Variants in SH3BP2 observed in about 807,000 individuals in gnomAD.
SH3BP2 encodes SH3 domain binding protein 2, also known as SH3 domain-binding protein 2.
A neutral mutation model predicts 56.2 loss-of-function variants in SH3BP2; 38 were observed. That is an observed-to-expected ratio of 0.68 (90% CI 0.52 to 0.89). The LOEUF (loss-of-function observed/expected upper bound fraction) is 0.89. SH3BP2 is among the 40% of genes least tolerant of loss of function. The pLI is 0.00. For synonymous variants in SH3BP2, 346 were observed against 316.7 expected, an observed-to-expected ratio of 1.09 and a Z score of -0.98; for missense variants, 748 against 762.6, an observed-to-expected ratio of 0.98 and a Z score of 0.23.
At chr4:2,805,605 C>T (rs1723501632) in intron 1 of SH3BP2, among the ~76,000 whole-genome samples, 2 of 152,226 alleles carry the variant, frequency 1.3e-5, no homozygotes, top group Non-Finnish European at 2.9e-5. Flanking sequence ...GCAGAGATCT[C>T]TCCCCACAGA....
At chr4:2,812,733 C>A (rs1465764803) in intron 1 of SH3BP2, among the ~76,000 whole-genome samples, 1 of 151,984 alleles carries the variant, frequency 6.6e-6, no homozygotes, top group Non-Finnish European at 1.5e-5. Context: ...CCCCCCCCAC[C>A]CCCCCATCAC....
In SH3BP2 at chr4:2,833,036, G is replaced by T; in HGVS notation, c.1535G>T (p.Arg512Leu). 4.3e-6 allele frequency: 7 copies of T among 1,614,162 alleles called. No individual in the cohort carries two copies. Among genetic ancestry groups the T allele is most frequent in the Non-Finnish European group, 5.9e-6 (7 of 1,180,010 alleles). Residue 512 changes from arginine (R) to leucine (L), a missense_variant, in exon 12 of 13, where the codon CGC (arginine) becomes CTC (leucine). Arg to Leu is a moderately radical substitution (Grantham distance 102, BLOSUM62 -2). Around this residue, in one of 3 missense-constraint regions of SH3BP2, gnomAD observed 635 missense variants for 615.0 expected, o/e 1.03. Transcript: ENST00000503393. ...ACCTCTAACAAAGTGAGGAACTATC[G>T]CATTTTTGAGAAGGTGAGAGGGCTC... ...DETSNKVRNY[R>L]IFEKDSKFYL...
chr4:2,826,540 CTGTGTG>C (rs148421972), intron 5 of SH3BP2: 23 of 213,038 alleles, frequency 1.1e-4, no homozygotes, highest in African/African-American at 5.5e-4. Context: ...GCGTGTTGCT[CTGTGTG>C]TGTGTGTGTG....
intron 1 of SH3BP2, among the ~76,000 whole-genome samples, chr4:2,795,402 ACT>A (rs1314761777): frequency 6.6e-6 from 1 of 151,808 alleles, no homozygotes. Flanking sequence ...TGCCCTCCTC[ACT>A]CTCTGTCCTC....
chr4:2,830,041 C>G lies in SH3BP2; in HGVS notation c.1135C>G (p.Pro379Ala). The change falls in exon 8 of 13, where the codon CCC becomes GCC. Residue 379 changes from proline (P) to alanine (A), a missense_variant. Pro to Ala is a conservative substitution (Grantham distance 27). This residue lies in a region of SH3BP2 where 635 missense variants were observed against 615.0 expected (regional missense o/e 1.03). Transcript: ENST00000503393. ...REAAMPGLFV[P>A]PVAPRPPALK... ...GGCAGCCATGCCCGGACTCTTTGTGCCCCCCGTGGCTCCCCGGCCTCCTGC... is the reference window on the plus strand; with the variant it reads ...GGCAGCCATGCCCGGACTCTTTGTGGCCCCCGTGGCTCCCCGGCCTCCTGC... 1 of 1,612,266 alleles carries G rather than the reference C, an allele frequency of 6.2e-7. No individual in the cohort carries two copies. Among genetic ancestry groups the G allele is most frequent in the South Asian group, 1.1e-5 (1 of 91,074 alleles).
rs1725329786 is a variant in SH3BP2, at chr4:2,839,066, G to A, written c.*5232G>A. ...TTTGCATTTAGCTAATTACCAAGGA[G>A]ATTGAGCATATTTTTATGTTTTTAT... On this transcript the variant is annotated 3_prime_UTR_variant, in exon 13 of 13. Transcript: ENST00000503393. 1 of 152,142 alleles carries A rather than the reference G, an allele frequency of 6.6e-6. No individual in the cohort carries two copies. Among genetic ancestry groups the A allele is most frequent in the Admixed American group, 6.5e-5 (1 of 15,270 alleles). The allele number at this position is 152,142 out of a possible 1,614,324, so 9.4% of individuals were successfully genotyped here.
At position 2,831,476 on chromosome 4, in the gene SH3BP2, C is replaced by A; in HGVS notation, c.1242-95C>A. 1.1e-6 allele frequency: 1 copy of A among 923,850 alleles called. No individual in the cohort carries two copies. Among genetic ancestry groups the A allele is most frequent in the Non-Finnish European group, 1.7e-6 (1 of 574,976 alleles). The allele number at this position is 923,850 out of a possible 1,614,324, so 57.2% of individuals were successfully genotyped here. On this transcript the variant is annotated intron_variant, in intron 8 of 12. Transcript: ENST00000503393. The surrounding 1 kb of genome is among the most constrained non-coding windows in gnomAD (Gnocchi z 4.1). The stretch of plus-strand genomic sequence containing the variant: ...GGGGCCATAGCAGGCAGCTTGCCGT[C>A]CTCACACAGAGGGTGGAGTGGGGAG...
rs546812362 is a variant in SH3BP2 at position 2,832,409 on chromosome 4, G to A, written c.1485G>A (p.Gly495=). Residue 495 remains glycine, a synonymous_variant, in exon 11 of 13, where the codon GGG becomes GGA. Coordinates refer to ENST00000503393, the MANE Select transcript of SH3BP2 (RefSeq NM_001122681.2). ...YCIRNSSTKS[G]KVLVVWDETS... ...TCCGGAACTCCTCTACCAAGTCGGGGAAGGTAGGCGCCAGGGGAAGATGCC... is the reference window on the plus strand; with the variant it reads ...TCCGGAACTCCTCTACCAAGTCGGGAAAGGTAGGCGCCAGGGGAAGATGCC... 2.2e-5 allele frequency: 35 copies of A among 1,613,818 alleles called. No individual in the cohort carries two copies. In the South Asian group the frequency reaches 3.6e-4, roughly 17 times the overall value.
chr4:2,793,738 G>A (rs1022409677), intron 1 of SH3BP2: 4 of 152,214 alleles, frequency 2.6e-5, no homozygotes, highest in Non-Finnish European at 4.4e-5. Context: ...CCGCCCACTG[G>A]CGCTGATTCA....
chr4:2,829,644 T>A lies in SH3BP2; in HGVS notation c.738T>A (p.Asp246Glu). 6.2e-7 allele frequency: 1 copy of A among 1,612,092 alleles called. No individual in the cohort carries two copies. Among genetic ancestry groups the A allele is most frequent in the Non-Finnish European group, 8.5e-7 (1 of 1,179,488 alleles). ...PPPPPKHGLP[D>E]VGLAAEDSKR... ...CGCCCCCTAAGCACGGCCTCCCAGA[T>A]GTTGGCCTGGCTGCTGAGGACTCCA... Residue 246 changes from aspartate (D) to glutamate (E), a missense_variant, in exon 8 of 13, where the codon GAT (aspartate) becomes GAA (glutamate). By Grantham distance (45) the Asp-to-Glu change is conservative. Coordinates refer to ENST00000503393, the MANE Select transcript of SH3BP2 (RefSeq NM_001122681.2). This position sits in a 1 kb window ranked among gnomAD's most constrained non-coding sequence, Gnocchi z 4.9.
rs1725379194 is a variant in SH3BP2, at chr4:2,840,339, C to T, written c.*6505C>T. 6.7e-6 allele frequency: 1 copy of T among 150,306 alleles called. No homozygotes were observed. The highest frequency in any genetic ancestry group is 1.5e-5 in the Non-Finnish European group (1 of 67,762). 9.3% of individuals were successfully genotyped at this position (150,306 alleles called of 1,614,324 possible). A position where few individuals can be genotyped will look rare whatever the true frequency, so the allele number is the denominator to read the frequency against. On this transcript the variant is annotated 3_prime_UTR_variant, in exon 13 of 13. Transcript: ENST00000503393. Reference sequence around the variant, plus strand: ...CTGAAATCCTTATAAATGTAAATTTCATATTTAGGCCTTTAATTCACCTAG... The same window carrying T: ...CTGAAATCCTTATAAATGTAAATTTTATATTTAGGCCTTTAATTCACCTAG...
At chr4:2,827,857 T>C (rs1724759064) in intron 7 of SH3BP2, among the ~76,000 whole-genome samples, 183 bp downstream of exon 7, 1 of 152,176 alleles carries the variant, frequency 6.6e-6, no homozygotes, top group Non-Finnish European at 1.5e-5. Context: ...TGCTGCCACC[T>C]CTGCTCATTT....
chr4:2,830,142 C>T lies in SH3BP2; in HGVS notation c.1236C>T (p.His412=), dbSNP rs753851077. 6.2e-7 allele frequency: 1 copy of T among 1,600,064 alleles called. No individual in the cohort carries two copies. The highest frequency in any genetic ancestry group is 8.5e-7 in the Non-Finnish European group (1 of 1,179,308). ...LPRPEKPQLP[H]LQRSPPDGQS... ...GGCCAGAGAAGCCGCAGCTCCCGCACCTCCAGTGAGTTTGTGTGGCGGCTG... is the reference window on the plus strand; with the variant it reads ...GGCCAGAGAAGCCGCAGCTCCCGCATCTCCAGTGAGTTTGTGTGGCGGCTG... Residue 412 remains histidine (H), a synonymous_variant, in exon 8 of 13, where the codon CAC becomes CAT. Transcript: ENST00000503393.
In SH3BP2 at chr4:2,840,088, G is replaced by A. The variant is rs920754216; in HGVS notation, c.*6254G>A. 6.6e-6 allele frequency: 1 copy of A among 151,912 alleles called. No homozygotes were observed. Among genetic ancestry groups the A allele is most frequent in the African/African-American group, 2.4e-5 (1 of 41,340 alleles). 9.4% of individuals were successfully genotyped at this position (151,912 alleles called of 1,614,324 possible). Reference sequence around the variant, plus strand: ...AAAAATACAAAAATTAGCTGGACATGGTGGTGCGTGCCTGTAGTCCCAGCT... The same window carrying A: ...AAAAATACAAAAATTAGCTGGACATAGTGGTGCGTGCCTGTAGTCCCAGCT... On this transcript the variant is annotated 3_prime_UTR_variant, in exon 13 of 13. Transcript: ENST00000503393.
intron 1 of SH3BP2, among the ~76,000 whole-genome samples, chr4:2,796,934 A>G (rs1174617608): frequency 6.6e-6 from 1 of 152,248 alleles, no homozygotes; most frequent in Non-Finnish European, 1.5e-5. Context: ...GGCTCAGAGC[A>G]GGCTTCGTCT....
intron 1 of SH3BP2, among the ~76,000 whole-genome samples, chr4:2,805,551 A>G (rs1468184933): frequency 6.6e-6 from 1 of 152,212 alleles, no homozygotes; most frequent in African/African-American, 2.4e-5. Context: ...TGCCAGTGTC[A>G]CACTGGGCAC....
Position 2,829,718 on chromosome 4 carries a change from C to T in SH3BP2, c.812C>T (p.Pro271Leu). Residue 271 changes from proline (P) to leucine (L), a missense_variant, in exon 8 of 13, where the codon CCT becomes CTT. Transcript: ENST00000503393. The surrounding 1 kb of genome is among the most constrained non-coding windows in gnomAD (Gnocchi z 4.9). The stretch of plus-strand genomic sequence containing the variant: ...CGGGCTGAGCCTTGCCCCAGGGTAC[C>T]TGCTACCCCCCGAAGGATGAGCGAT... ...PRRAEPCPRV[P>L]ATPRRMSDPP... is the part of the protein sequence containing the mutation. 1 of 1,612,862 alleles carries T rather than the reference C, an allele frequency of 6.2e-7. No individual in the cohort carries two copies. The highest frequency in any genetic ancestry group is 1.1e-5 in the South Asian group (1 of 91,076).
intron 3 of SH3BP2, 86 bp downstream of exon 3, chr4:2,823,123 T>G: frequency 2.0e-5 from 19 of 940,182 alleles, no homozygotes; most frequent in Non-Finnish European, 3.1e-5. Context: ...CTGCCCCTTA[T>G]TCCCGCCCAA....
chr4:2,826,113 C>G (rs1027277775), intron 5 of SH3BP2, among the ~76,000 whole-genome samples: 6 of 152,258 alleles, frequency 3.9e-5, no homozygotes, highest in African/African-American at 1.4e-4. Context: ...GAGGCAGGAG[C>G]AGGTGGAGAC....
Sources: gnomAD v4.1 joint callset for allele counts (sites outside exome capture counted in the v4.1 genomes callset) on GRCh38, gnomAD v4.1.1 for gene constraint, gnomAD v4.1.1 regional missense constraint, Gnocchi (gnomAD v3.1) non-coding constraint, MANE v1.5 for transcripts, NCBI Gene and HGNC (gene_info 2026-07-23, HGNC 2026-07-21) for gene names.